The following E2F4 variants were observed in gnomAD, a reference collection of about 807,000 sequenced individuals.
E2F4 encodes transcription factor E2F4.
In E2F4, 16 loss-of-function variants were observed where a neutral mutation model predicts 44.5. That is an observed-to-expected ratio of 0.36 (90% confidence interval 0.24 to 0.55). The LOEUF (loss-of-function observed/expected upper bound fraction) is 0.55, where lower values mean the gene tolerates loss of function less well. Ranked by LOEUF, E2F4 falls within the 20% of genes least tolerant of loss-of-function variation. The pLI is 0.87. For synonymous variants in E2F4, 242 were observed against 207.2 expected, an observed-to-expected ratio of 1.17 and a Z score of -1.44; for missense variants, 473 against 522.1, an observed-to-expected ratio of 0.91 and a Z score of 0.92.
intron 3 of E2F4, 83 bp downstream of exon 3, chr16:67,193,253 AGTTT>A (rs1567687641): frequency 6.6e-7 from 1 of 1,526,396 alleles, no homozygotes; most frequent in African/African-American, 1.4e-5. Context: ...TCCTCTTGGG[AGTTT>A]GTCTTATAGC....
chr16:67,193,857 A>G, intron 4 of E2F4: 1 of 362,766 alleles, frequency 2.8e-6, no homozygotes, highest in Admixed American at 4.4e-5. Flanking sequence ...CATGCAGGGC[A>G]TGGGGGTGCC....
intron 4 of E2F4, among the ~76,000 whole-genome samples, 190 bp downstream of exon 4, chr16:67,193,705 G>A (rs1284310137): frequency 6.6e-6 from 1 of 152,184 alleles, no homozygotes; most frequent in Non-Finnish European, 1.5e-5. Flanking sequence ...TATACCAAAA[G>A]GGTACAGAAA....
intron 7 of E2F4, 138 bp from the exon 8 acceptor site, chr16:67,197,461 C>T: frequency 2.4e-6 from 2 of 825,214 alleles, no homozygotes; most frequent in East Asian, 2.6e-5. Context: ...ACAGTGCCAG[C>T]TTGGCCTAGG....
At chr16:67,194,205 TC>T in intron 4 of E2F4, 192 bp from the exon 5 acceptor site, 1 of 587,818 alleles carries the variant, frequency 1.7e-6, no homozygotes, top group South Asian at 2.2e-5. Flanking sequence ...AACCCAGATT[TC>T]CTGGTTACTG....
chr16:67,194,777 C>T lies in E2F4; in HGVS notation c.605C>T (p.Ser202Leu). 1.2e-6 allele frequency: 2 copies of T among 1,614,218 alleles called. No individual in the cohort carries two copies. The highest frequency in any genetic ancestry group is 1.7e-6 in the Non-Finnish European group (2 of 1,180,036). Residue 202 changes from serine to leucine, a missense_variant, in exon 6 of 10, where the codon TCA becomes TTA. Ser to Leu is a moderately radical substitution (Grantham distance 145, BLOSUM62 -2). This residue lies in a region of E2F4 where 314 missense variants were observed against 315.6 expected (regional missense o/e 0.99). Transcript: ENST00000379378. ...VLLVNKEAWS[S>L]PPVAVPVPPP... ...CTGGTGAACAAGGAGGCATGGAGCT[C>T]ACCCCCTGTGGCTGTGCCTGTGCCA...
In E2F4 at chr16:67,196,070, A is replaced by G. The variant is rs562794280; in HGVS notation, c.1033+64A>G. 5.6e-6 allele frequency: 9 copies of G among 1,602,076 alleles called. No homozygotes were observed. The East Asian group carries it at 2.0e-4, about 36-fold the overall frequency. ...AGCCTCAGTCCAGTCCTAGGTCAGA[A>G]AACAGAATTGGGGATGGAACCCAGA... On this transcript the variant is annotated intron_variant, in intron 7 of 9. Transcript: ENST00000379378.
chr16:67,197,574 T>C lies in E2F4; in HGVS notation c.1034-25T>C, dbSNP rs750201715. 7.4e-6 allele frequency: 12 copies of C among 1,613,880 alleles called. No homozygotes were observed. In the South Asian group the frequency reaches 1.2e-4, roughly 16 times the overall value. On this transcript the variant is annotated intron_variant, in intron 7 of 9. Transcript: ENST00000379378. ...GGGGCCAGGCTGGACCTCTGTGCCC[T>C]GAGCATGGCTTTCTTGTTTTTCAGT...
intron 6 of E2F4, among the ~76,000 whole-genome samples, 193 bp downstream of exon 6, chr16:67,195,173 C>G (rs3730400): frequency 0.037 from 5,584 of 152,318 alleles, 345 homozygotes; most frequent in African/African-American, 0.12. Context: ...CACTGTGTCC[C>G]CCAGGCTGGA....
chr16:67,195,983 C>T lies in E2F4; in HGVS notation c.1010C>T (p.Pro337Leu). ...SGPNPSTSFE[P>L]IKADPTGVLE... ...CCCAACCCTTCTACCTCCTTTGAGC[C>T]CATCAAGGCAGACCCCACAGGTGGT... is the stretch of plus-strand genomic sequence containing the variant. The change falls in exon 7 of 10, where the codon CCC (proline) becomes CTC (leucine). Residue 337 changes from proline (P) to leucine (L), a missense_variant. Physicochemically the swap from Pro to Leu is moderately conservative, Grantham distance 98. Transcript: ENST00000379378. 3 of 1,614,146 alleles carry T rather than the reference C, an allele frequency of 1.9e-6. No homozygotes were observed. Among genetic ancestry groups the T allele is most frequent in the Non-Finnish European group, 2.5e-6 (3 of 1,180,010 alleles).
At chr16:67,194,181 A>C (rs1009748843) in intron 4 of E2F4, 4 of 553,738 alleles carry the variant, frequency 7.2e-6, no homozygotes, top group Non-Finnish European at 1.3e-5. Context: ...GTGATCTTTC[A>C]CTCCACATAA....
rs769076931 is a variant in E2F4, at chr16:67,198,741, C to T, written c.*618C>T. The T allele has an allele frequency of 2.1e-5, 4 of 190,594 alleles. No individual in the cohort carries two copies. The highest frequency in any genetic ancestry group is 1.4e-4 in the East Asian group (1 of 7,232). The allele number at this position is 190,594 out of a possible 1,614,324, so 11.8% of individuals were successfully genotyped here. On this transcript the variant is annotated 3_prime_UTR_variant, in exon 10 of 10. Transcript: ENST00000379378. ...GGCCCCACCTCCTGCTGCCCCATAA[C>T]CCTCTCTTCATTTCGGCTTTTTCAT... is the stretch of plus-strand genomic sequence containing the variant.
chr16:67,192,675 A>G, intron 1 of E2F4, 86 bp from the exon 2 acceptor site: 1 of 1,314,872 alleles, frequency 7.6e-7, no homozygotes, highest in Non-Finnish European at 1.1e-6. Context: ...GTTGGAATCC[A>G]GATTACTCCC....
intron 6 of E2F4, chr16:67,195,530 C>A: frequency 1.4e-6 from 1 of 690,570 alleles, no homozygotes; most frequent in Non-Finnish European, 2.3e-6. Context: ...GTCTCAATTG[C>A]CCTGGTAGCC....
In E2F4 at chr16:67,195,924, C is replaced by CAGCAGCAGCAGCAGT. The variant is rs748010501; in HGVS notation, c.958_959insGCAGCAGTAGCAGCA (p.Ser315_Ser319dup). The CAGCAGCAGCAGCAGT allele has an allele frequency of 2.5e-5, 40 of 1,613,478 alleles. No individual in the cohort carries two copies. In the African/African-American group the frequency reaches 5.1e-4, roughly 20 times the overall value. ...GCAGCAGCAGCAGCAGCAGCAGCAG[C>CAGCAGCAGCAGCAGT]AGCAGCAACAGTAACAGCAGCAGTT... On this transcript the variant is annotated inframe_insertion, in exon 7 of 10. Coordinates refer to ENST00000379378, the MANE Select transcript of E2F4 (RefSeq NM_001950.4).
intron 3 of E2F4, 71 bp downstream of exon 3, chr16:67,193,241 G>C (rs1267613819): frequency 3.9e-6 from 6 of 1,530,480 alleles, no homozygotes; most frequent in East Asian, 4.9e-5. Flanking sequence ...CCTGAGTCCT[G>C]TTCCTCTTGG....
chr16:67,193,261 T>G, intron 3 of E2F4, 91 bp downstream of exon 3: 2 of 1,523,472 alleles, frequency 1.3e-6, no homozygotes, highest in Non-Finnish European at 1.8e-6. Flanking sequence ...GGAGTTTGTC[T>G]TATAGCCACT....
At chr16:67,196,090 C>T (rs2032965934) in intron 7 of E2F4, 84 bp downstream of exon 7, 1 of 1,578,180 alleles carries the variant, frequency 6.3e-7, no homozygotes, top group East Asian at 2.3e-5. Flanking sequence ...GGGGATGGAA[C>T]CCAGATCTCC....
In E2F4 at chr16:67,194,415, A is replaced by G. The variant is rs1567687943; in HGVS notation, c.469A>G (p.Ile157Val). The change falls in exon 5 of 10, where the codon ATC becomes GTC. Residue 157 changes from isoleucine to valine, a missense_variant. Ile to Val is a conservative substitution (Grantham distance 29, BLOSUM62 3). Transcript: ENST00000379378. ...CATTCTAGGAGATACCCTCTTGGCC[A>G]TCCGGGCCCCATCAGGCACCAGCCT... ...RCFAGDTLLA[I>V]RAPSGTSLEV... The G allele has an allele frequency of 1.2e-6, 2 of 1,614,052 alleles. No homozygotes were observed. Among genetic ancestry groups the G allele is most frequent in the Non-Finnish European group, 8.5e-7 (1 of 1,180,018 alleles).
intron 7 of E2F4, 136 bp downstream of exon 7, chr16:67,196,142 T>A: frequency 7.5e-7 from 1 of 1,337,892 alleles, no homozygotes; most frequent in Non-Finnish European, 1.0e-6. Context: ...CCAGCACCTC[T>A]GGGTCAGTGC....
Sources: gnomAD v4.1 joint callset for allele counts (sites outside exome capture counted in the v4.1 genomes callset) on GRCh38, gnomAD v4.1.1 for gene constraint, gnomAD v4.1.1 regional missense constraint, MANE v1.5 for transcripts, NCBI Gene and HGNC (gene_info 2026-07-23, HGNC 2026-07-21) for gene names.